The following PPCDC variants were observed in gnomAD, a reference collection of about 807,000 sequenced individuals.
PPCDC encodes the protein phosphopantothenoylcysteine decarboxylase.
Under a neutral mutation model 20.7 loss-of-function variants are expected in PPCDC, and 20 were observed. The ratio of observed to expected loss-of-function variants is 0.97; its 90% CI spans 0.68 to 1.41. The LOEUF is 1.41. PPCDC is among the 40% of genes most tolerant of loss of function. The probability of loss-of-function intolerance (pLI) is 0.00; values close to 1 mark genes in which losing one functional copy is unlikely to be tolerated. For missense variants in PPCDC, 246 were observed against 263.8 expected (o/e 0.93, Z 0.47); for synonymous variants, 88 against 100.3 (o/e 0.88, Z 0.73).
intron 2 of PPCDC, among the ~76,000 whole-genome samples, chr15:75,040,728 C>G (rs972106005): frequency 1.3e-5 from 2 of 152,144 alleles, no homozygotes; most frequent in African/African-American, 4.8e-5. Context: ...AACTTGATCT[C>G]TGCTCACTGC....
intron 4 of PPCDC, 128 bp from the exon 5 acceptor site, chr15:75,048,425 C>T (rs1016151811): frequency 7.0e-6 from 9 of 1,278,572 alleles, no homozygotes; most frequent in Non-Finnish European, 9.6e-6. Flanking sequence ...TGAGACAGCT[C>T]CCTGCAGGCA....
intron 2 of PPCDC, among the ~76,000 whole-genome samples, chr15:75,037,085 C>T (rs2066094507): frequency 6.6e-6 from 1 of 152,172 alleles, no homozygotes; most frequent in South Asian, 2.1e-4. Flanking sequence ...CAGGAAGTAG[C>T]TTTCCAAATT....
At chr15:75,039,557 G>A (rs1379437981) in intron 2 of PPCDC, among the ~76,000 whole-genome samples, 1 of 152,190 alleles carries the variant, frequency 6.6e-6, no homozygotes, top group Non-Finnish European at 1.5e-5. Context: ...GCTCACCTTT[G>A]TGGTACTCAC....
chr15:75,030,339 G>T (rs144226354), intron 2 of PPCDC, among the ~76,000 whole-genome samples: 102 of 152,340 alleles, frequency 6.7e-4, no homozygotes, highest in African/African-American at 2.3e-3. Context: ...ACTCGGTTGT[G>T]TGTGTTTCCT....
At chr15:75,046,573 A>G (rs2066237500) in intron 4 of PPCDC, among the ~76,000 whole-genome samples, 2 of 152,266 alleles carry the variant, frequency 1.3e-5, no homozygotes, top group African/African-American at 2.4e-5. Context: ...ACCAGCCCCC[A>G]GATCATTTGC....
Position 75,048,540 on chromosome 15 carries a change from G to A in PPCDC, c.361-13G>A. On this transcript the variant is annotated splice_polypyrimidine_tract_variant and intron_variant, in intron 4 of 5. Coordinates refer to ENST00000342932, the MANE Select transcript of PPCDC (RefSeq NM_021823.5). ...GAGTAGCAAGACCCCCACTTCCCTG[G>A]CCTTCTTCACAGACCTGCGTCATGC... 1 of 1,612,144 alleles carries A rather than the reference G, an allele frequency of 6.2e-7. No homozygotes were observed. The highest frequency in any genetic ancestry group is 8.5e-7 in the Non-Finnish European group (1 of 1,178,920).
At chr15:75,031,833 A>T (rs555325419) in intron 2 of PPCDC, among the ~76,000 whole-genome samples, 2 of 152,076 alleles carry the variant, frequency 1.3e-5, no homozygotes, top group Admixed American at 6.6e-5. Flanking sequence ...TAGCAGCCTG[A>T]GCTACAGAAG....
At chr15:75,042,268 T>C (rs943163487) in intron 2 of PPCDC, among the ~76,000 whole-genome samples, 1 of 152,146 alleles carries the variant, frequency 6.6e-6, no homozygotes, top group Non-Finnish European at 1.5e-5. Flanking sequence ...TTCATTGGTT[T>C]CCCCCAAAGA....
Position 75,049,347 on chromosome 15 carries a change from C to A in PPCDC, c.*112C>A, listed in dbSNP as rs2066282952. ...ATACCCTCATTTGCTGAATGGGGGA[C>A]CTGCTCTGAGCCTGCCCAGGGGCCA... On this transcript the variant is annotated 3_prime_UTR_variant, in exon 6 of 6. Transcript: ENST00000342932. 3 of 1,031,840 alleles carry A rather than the reference C, an allele frequency of 2.9e-6. No individual in the cohort carries two copies. The highest frequency in any genetic ancestry group is 4.4e-6 in the Non-Finnish European group (3 of 687,660). The allele number at this position is 1,031,840 out of a possible 1,614,324, so 63.9% of individuals were successfully genotyped here.
chr15:75,035,709 G>A (rs2066076476), intron 2 of PPCDC, among the ~76,000 whole-genome samples: 1 of 152,220 alleles, frequency 6.6e-6, no homozygotes, highest in Non-Finnish European at 1.5e-5. Flanking sequence ...GTTCACACCT[G>A]TAATCCCAGC....
At chr15:75,039,109 C>T (rs539529384) in intron 2 of PPCDC, among the ~76,000 whole-genome samples, 5 of 152,308 alleles carry the variant, frequency 3.3e-5, no homozygotes, top group South Asian at 4.1e-4. Context: ...GGACTCTCCT[C>T]AGATATCTGA....
intron 2 of PPCDC, among the ~76,000 whole-genome samples, chr15:75,030,481 C>G (rs1422539680): frequency 6.6e-6 from 1 of 152,246 alleles, no homozygotes; most frequent in Non-Finnish European, 1.5e-5. Flanking sequence ...CTTTCATCTG[C>G]AGGGAGACAG....
chr15:75,043,153 G>A (rs576661826), intron 2 of PPCDC: 3 of 315,394 alleles, frequency 9.5e-6, no homozygotes, highest in South Asian at 4.1e-5. Context: ...ACCTCTGCCC[G>A]AGTGGCAGGA....
At chr15:75,034,662 A>G (rs879575032) in intron 2 of PPCDC, among the ~76,000 whole-genome samples, 13 of 152,184 alleles carry the variant, frequency 8.5e-5, no homozygotes, top group Non-Finnish European at 1.5e-4. Flanking sequence ...ACAGATCTGG[A>G]GCATGCCATC....
In PPCDC at chr15:75,043,474, A is replaced by C. The variant is rs139859049; in HGVS notation, c.169A>C (p.Lys57Gln). Reference protein sequence around the residue: ...EVAVVTTERAKHFYSPQDIPV... With the variant: ...EVAVVTTERAQHFYSPQDIPV... ...AGCAGTGGTCACAACTGAGAGAGCC[A>C]AACATTTCTACAGCCCCCAGGACAT... Residue 57 changes from lysine to glutamine, a missense_variant, in exon 3 of 6, where the codon AAA becomes CAA. This residue lies in a region of PPCDC where 225 missense variants were observed against 222.6 expected (regional missense o/e 1.01). Coordinates refer to ENST00000342932, the MANE Select transcript of PPCDC (RefSeq NM_021823.5). 2 of 1,613,236 alleles carry C rather than the reference A, an allele frequency of 1.2e-6. No homozygotes were observed. The highest frequency in any genetic ancestry group is 2.7e-5 in the African/African-American group (2 of 75,012).
At chr15:75,045,433 G>A (rs1297611037) in intron 4 of PPCDC, among the ~76,000 whole-genome samples, 1 of 152,176 alleles carries the variant, frequency 6.6e-6, no homozygotes, top group Non-Finnish European at 1.5e-5. Context: ...CTGGGCCTGT[G>A]GTAGACATCC....
At position 75,038,743 on chromosome 15, in the gene PPCDC, A is replaced by AT. The variant is rs953724845; in HGVS notation, c.136-4688dup. On this transcript the variant is annotated intron_variant, in intron 2 of 5. Transcript: ENST00000342932. ...CGTCACTTCTGGGAAATTTAATTTA[A>AT]TTTTTTTTTTGTAATTTTCTCCTAT... Among the ~76,000 whole-genome samples the AT allele has an allele frequency of 1.7e-3, 250 of 148,194 alleles. 1 individual carries two copies. Among genetic ancestry groups the AT allele is most frequent in the Middle Eastern group, 6.9e-3 (2 of 290 alleles).
intron 4 of PPCDC, among the ~76,000 whole-genome samples, chr15:75,047,306 A>G (rs2066249236): frequency 6.6e-6 from 1 of 152,176 alleles, no homozygotes; most frequent in South Asian, 2.1e-4. Context: ...CGGCTGCCGT[A>G]TTGAGAGGGC....
chr15:75,029,154 G>A (rs780656613), intron 2 of PPCDC, among the ~76,000 whole-genome samples: 48 of 152,180 alleles, frequency 3.2e-4, no homozygotes, highest in Non-Finnish European at 6.3e-4. Context: ...TAGTTGGTCT[G>A]TCTTATCCCC....
Sources: allele counts gnomAD v4.1 joint callset (sites outside exome capture counted in the v4.1 genomes callset), GRCh38; gene constraint gnomAD v4.1.1; regional missense constraint gnomAD v4.1.1; transcripts MANE v1.5; gene names NCBI Gene and HGNC (gene_info 2026-07-23, HGNC 2026-07-21).